The following PDE1C variants were observed in gnomAD, a reference collection of about 807,000 sequenced individuals.
PDE1C encodes the protein dual specificity calcium/calmodulin-dependent 3',5'-cyclic nucleotide phosphodiesterase 1C.
Under a neutral mutation model 93.1 loss-of-function variants are expected in PDE1C, and 62 were observed. The observed-to-expected ratio is 0.67, with a 90% CI of 0.54 to 0.82. PDE1C has a LOEUF of 0.82. Ranked by LOEUF, PDE1C falls within the 40% of genes least tolerant of loss-of-function variation. PDE1C has a pLI of 0.00. For synonymous variants in PDE1C, 325 were observed against 310.1 expected, an observed-to-expected ratio of 1.05 and a Z score of -0.50; for missense variants, 742 against 884.6, an observed-to-expected ratio of 0.84 and a Z score of 2.04.
At chr7:32,117,833 T>G (rs951302055) in intron 3 of PDE1C, among the ~76,000 whole-genome samples, 1 of 152,190 alleles carries the variant, frequency 6.6e-6, no homozygotes, top group African/African-American at 2.4e-5. Flanking sequence ...GTCTCGTACT[T>G]TTAATTTAAA....
intron 1 of PDE1C, among the ~76,000 whole-genome samples, chr7:32,332,350 A>G (rs1024267062): frequency 2.0e-5 from 3 of 152,200 alleles, no homozygotes; most frequent in Non-Finnish European, 4.4e-5. Context: ...CATAACCAAC[A>G]AAGGGCTACA....
At chr7:31,658,262 C>G in the PDE1C span, 3 of 1,493,382 alleles carry the variant, frequency 2.0e-6, no homozygotes, top group Non-Finnish European at 2.6e-6. Context: ...AACACATATT[C>G]TCTTATAGGT....
the PDE1C span, among the ~76,000 whole-genome samples, chr7:31,692,946 A>G: frequency 6.6e-6 from 1 of 152,216 alleles, no homozygotes; most frequent in African/African-American, 2.4e-5. Flanking sequence ...AGAATTTTAA[A>G]TAGCCTTTTT....
At chr7:32,249,148 CAG>C (rs1809176741) in intron 1 of PDE1C, among the ~76,000 whole-genome samples, 1 of 151,898 alleles carries the variant, frequency 6.6e-6, no homozygotes. Flanking sequence ...AGTGTTCAGG[CAG>C]AGTCTGGACA....
chr7:31,808,093 C>T (rs1787080781), intron 16 of PDE1C, among the ~76,000 whole-genome samples: 1 of 152,020 alleles, frequency 6.6e-6, no homozygotes, highest in African/African-American at 2.4e-5. Flanking sequence ...GCTAAAGGGG[C>T]TGCTTCCTTT....
chr7:31,842,532 AG>A (rs1792050851), intron 9 of PDE1C, among the ~76,000 whole-genome samples: 1 of 152,096 alleles, frequency 6.6e-6, no homozygotes, highest in Non-Finnish European at 1.5e-5. Flanking sequence ...GTATTTTGCA[AG>A]GAATTTATCC....
At chr7:31,860,395 T>A (rs1244063068) in intron 7 of PDE1C, among the ~76,000 whole-genome samples, 3 of 152,184 alleles carry the variant, frequency 2.0e-5, no homozygotes, top group Non-Finnish European at 2.9e-5. Context: ...CTGCTCTACA[T>A]CCTAACCAAC....
intron 1 of PDE1C, among the ~76,000 whole-genome samples, chr7:32,315,008 A>C (rs1035299463): frequency 2.1e-5 from 3 of 144,524 alleles, no homozygotes; most frequent in Non-Finnish European, 4.5e-5. Context: ...TCACACACAC[A>C]CCCCACTTTT....
chr7:31,681,850 C>G, the PDE1C span, among the ~76,000 whole-genome samples: 8 of 152,322 alleles, frequency 5.3e-5, no homozygotes, highest in African/African-American at 1.9e-4. Context: ...TTGGTATCTT[C>G]TGATGAAATT....
intron 7 of PDE1C, among the ~76,000 whole-genome samples, chr7:31,861,653 C>A (rs1794715905): frequency 6.6e-6 from 1 of 152,102 alleles, no homozygotes; most frequent in Non-Finnish European, 1.5e-5. Context: ...ATCCTATTCA[C>A]CACAGCAGTC....
At chr7:32,418,313 C>T (rs1274172962) in intron 1 of PDE1C, among the ~76,000 whole-genome samples, 35 of 152,116 alleles carry the variant, frequency 2.3e-4, no homozygotes, top group Non-Finnish European at 1.2e-4. Context: ...AAGTAAGACC[C>T]CCGTACTCAC....
chr7:31,789,785 C>T, intron 16 of PDE1C: 1 of 988,446 alleles, frequency 1.0e-6, no homozygotes, highest in Non-Finnish European at 1.2e-6. Context: ...TCATCAGTAG[C>T]CAGTGCAAAA....
At chr7:32,306,071 G>A (rs1812992855) in intron 1 of PDE1C, among the ~76,000 whole-genome samples, 3 of 152,088 alleles carry the variant, frequency 2.0e-5, no homozygotes, top group South Asian at 4.1e-4. Context: ...TTTTAGAAAG[G>A]GAAACCCCTT....
chr7:31,794,041 TAG>T (rs1554335955), intron 16 of PDE1C, among the ~76,000 whole-genome samples: 2 of 89,546 alleles, frequency 2.2e-5, no homozygotes, highest in African/African-American at 8.7e-5. Flanking sequence ...GATAGATAGA[TAG>T]ACAGACAGAC....
intron 14 of PDE1C, among the ~76,000 whole-genome samples, chr7:31,816,541 T>C (rs1372770376): frequency 2.0e-5 from 3 of 152,162 alleles, no homozygotes; most frequent in African/African-American, 7.2e-5. Context: ...GCAGCTACTA[T>C]TACTGTGACT....
At chr7:32,376,728 T>C (rs1007663808) in intron 1 of PDE1C, among the ~76,000 whole-genome samples, 7 of 152,132 alleles carry the variant, frequency 4.6e-5, no homozygotes, top group Non-Finnish European at 1.0e-4. Context: ...CACTCTGTCG[T>C]CCAGGCTGGA....
At chr7:32,251,074 A>AGC (rs141043413) in intron 1 of PDE1C, among the ~76,000 whole-genome samples, 2,854 of 152,336 alleles carry the variant, frequency 0.019, 91 homozygotes, top group African/African-American at 0.065. Context: ...CACAAGCACA[A>AGC]GCGCGCGTGC....
the PDE1C span, among the ~76,000 whole-genome samples, chr7:31,693,251 A>C: frequency 1.3e-4 from 20 of 152,212 alleles, no homozygotes; most frequent in Non-Finnish European, 1.3e-4. Context: ...ATGGCTGTGC[A>C]CTGAGCAGAA....
At chr7:32,122,740 T>C (rs1799366364) in intron 3 of PDE1C, among the ~76,000 whole-genome samples, 1 of 152,176 alleles carries the variant, frequency 6.6e-6, no homozygotes, top group Non-Finnish European at 1.5e-5. Flanking sequence ...TTTATAGCAC[T>C]AAATGCCCAC....
Sources: gnomAD v4.1 joint callset for allele counts (sites outside exome capture counted in the v4.1 genomes callset) on GRCh38, gnomAD v4.1.1 for gene constraint, MANE v1.5 for transcripts, NCBI Gene and HGNC (gene_info 2026-07-23, HGNC 2026-07-21) for gene names.